Variants in ZNF316 observed in about 807,000 individuals in gnomAD.
ZNF316 encodes the protein zinc finger protein 316.
In ZNF316, 23 loss-of-function variants were observed where a neutral mutation model predicts 75.6. That is an observed-to-expected ratio of 0.30 (90% CI 0.22 to 0.43). The LOEUF (loss-of-function observed/expected upper bound fraction) is 0.43. Ranked by LOEUF, ZNF316 falls within the 20% of genes least tolerant of loss-of-function variation. The pLI is 1.00. For missense variants in ZNF316, 1,266 were observed against 1,409.4 expected (o/e 0.90, Z 1.63); for synonymous variants, 827 against 666.2 (o/e 1.24, Z -3.72).
At chr7:6,646,615 C>T (rs181525334) in intron 8 of ZNF316, among the ~76,000 whole-genome samples, 1 of 152,048 alleles carries the variant, frequency 6.6e-6, no homozygotes, top group African/African-American at 2.4e-5. Flanking sequence ...CCTGGGATGC[C>T]CCCCGGCCCT....
intron 8 of ZNF316, among the ~76,000 whole-genome samples, chr7:6,645,169 G>A (rs1177760877): frequency 6.6e-6 from 1 of 152,204 alleles, no homozygotes; most frequent in African/African-American, 2.4e-5. Context: ...TCAACTCTAA[G>A]GCCCCCTTTA....
At position 6,639,772 on chromosome 7, in the gene ZNF316, G is replaced by T. The variant is rs1049937991; in HGVS notation, c.-167+631G>T. Among the ~76,000 whole-genome samples, 1 of 152,202 alleles carries T rather than the reference G, an allele frequency of 6.6e-6. No individual in the cohort carries two copies. The highest frequency in any genetic ancestry group is 6.5e-5 in the Admixed American group (1 of 15,270). On this transcript the variant is annotated intron_variant, in intron 3 of 8. Transcript: ENST00000382252. This position sits in a 1 kb window ranked among gnomAD's most constrained non-coding sequence, Gnocchi z 4.2. ...AAAGCCCTCCTCTGGGCCTCAAGTG[G>T]GTGGCAGTTGGGAAACCGTTGCTGC...
In ZNF316 at chr7:6,654,560, C is replaced by T. The variant is rs922580282; in HGVS notation, c.2964C>T (p.His988=). The change falls in exon 9 of 9, where the codon CAC becomes CAT. Residue 988 remains histidine (H), a synonymous_variant. Transcript: ENST00000382252. ...FAGGTSFGSE[H]QAAFAGPSGA... ...GCGGCACAAGCTTCGGCTCCGAGCA[C>T]CAGGCCGCGTTCGCCGGGCCCTCGG... The T allele has an allele frequency of 1.7e-6, 2 of 1,187,552 alleles. No homozygotes were observed. Among genetic ancestry groups the T allele is most frequent in the African/African-American group, 1.6e-5 (1 of 62,332 alleles). 73.6% of individuals were successfully genotyped at this position (1,187,552 alleles called of 1,614,324 possible).
chr7:6,650,266 C>T (rs1266877308), intron 8 of ZNF316, among the ~76,000 whole-genome samples: 2 of 152,118 alleles, frequency 1.3e-5, no homozygotes, highest in African/African-American at 2.4e-5. Context: ...GGAAGGGTGG[C>T]CACTGATGGG....
chr7:6,653,060 C>T lies in ZNF316; in HGVS notation c.1464C>T (p.Pro488=), dbSNP rs1779540693. Residue 488 remains proline (P), a synonymous_variant, in exon 9 of 9, where the codon CCC becomes CCT. Transcript: ENST00000382252. The part of the protein sequence containing the change: ...VHTADRPHCC[P]DCGQAFRLRA... The stretch of plus-strand genomic sequence containing the variant: ...CGGCCGACCGCCCGCACTGCTGTCC[C>T]GACTGCGGCCAGGCCTTCCGCCTGC... The T allele has an allele frequency of 3.3e-6, 4 of 1,212,906 alleles. No homozygotes were observed. Among genetic ancestry groups the T allele is most frequent in the Non-Finnish European group, 3.1e-6 (3 of 976,252 alleles). The allele number at this position is 1,212,906 out of a possible 1,614,324, so 75.1% of individuals were successfully genotyped here. A position where few individuals can be genotyped will look rare whatever the true frequency, so the allele number is the denominator to read the frequency against.
intron 8 of ZNF316, among the ~76,000 whole-genome samples, chr7:6,651,518 G>A (rs995608794): frequency 1.3e-5 from 2 of 152,022 alleles, no homozygotes; most frequent in Non-Finnish European, 2.9e-5. Flanking sequence ...AGCCAGCTGC[G>A]GTGCTGTGCG....
At position 6,654,431 on chromosome 7, in the gene ZNF316, C is replaced by A. The variant is rs1179185891; in HGVS notation, c.2835C>A (p.Gly945=). 10 of 1,207,334 alleles carry A rather than the reference C, an allele frequency of 8.3e-6. No homozygotes were observed. In the African/African-American group the frequency reaches 1.4e-4, roughly 17 times the overall value. 74.8% of individuals were successfully genotyped at this position (1,207,334 alleles called of 1,614,324 possible). A position where few individuals can be genotyped will look rare whatever the true frequency, so the allele number is the denominator to read the frequency against. Reference sequence around the variant, plus strand: ...ACCGCGGAGCCACCGCAGCGCCGGGCTCGGGTTCGGCCCCAGCCCCCGCGC... The same window carrying A: ...ACCGCGGAGCCACCGCAGCGCCGGGATCGGGTTCGGCCCCAGCCCCCGCGC... ...KTHRGATAAP[G]SGSAPAPAPK... is the part of the protein sequence containing the mutation. Residue 945 remains glycine (G), a synonymous_variant, in exon 9 of 9, where the codon GGC becomes GGA. Transcript: ENST00000382252.
chr7:6,644,093 G>A (rs557742896), intron 7 of ZNF316, 145 bp downstream of exon 7: 5 of 924,182 alleles, frequency 5.4e-6, no homozygotes, highest in Non-Finnish European at 7.1e-6. Context: ...GAAGCCCTAG[G>A]ACCCCATGGC....
chr7:6,647,442 C>T (rs1266885414), intron 8 of ZNF316, among the ~76,000 whole-genome samples: 1 of 152,222 alleles, frequency 6.6e-6, no homozygotes, highest in Non-Finnish European at 1.5e-5. Context: ...CACCCTTGTC[C>T]TCCACCTCCT....
chr7:6,641,261 A>T (rs958897436), intron 3 of ZNF316, among the ~76,000 whole-genome samples: 5 of 152,204 alleles, frequency 3.3e-5, no homozygotes, highest in Admixed American at 6.5e-5. Flanking sequence ...CTGACATTCC[A>T]GGATGCTTCT....
chr7:6,652,958 G>A lies in ZNF316; in HGVS notation c.1362G>A (p.Glu454=), dbSNP rs915300561. 72 of 1,242,900 alleles carry A rather than the reference G, an allele frequency of 5.8e-5. No individual in the cohort carries two copies. The highest frequency in any genetic ancestry group is 2.9e-4 in the Admixed American group (7 of 24,024). 77.0% of individuals were successfully genotyped at this position (1,242,900 alleles called of 1,614,324 possible). ...LVTHQRTHTG[E]RPYPCSHCGR... Reference sequence around the variant, plus strand: ...CGCACCAGCGCACGCACACCGGCGAGCGACCCTACCCGTGTTCGCACTGCG... The same window carrying A: ...CGCACCAGCGCACGCACACCGGCGAACGACCCTACCCGTGTTCGCACTGCG... Residue 454 remains glutamate, a synonymous_variant, in exon 9 of 9, where the codon GAG becomes GAA. Transcript: ENST00000382252.
At position 6,639,350 on chromosome 7, in the gene ZNF316, T is replaced by C. The variant is rs1304368998; in HGVS notation, c.-167+209T>C. 1.3e-5 allele frequency among the ~76,000 whole-genome samples: 2 copies of C among 152,192 alleles called. No homozygotes were observed. Among genetic ancestry groups the C allele is most frequent in the Non-Finnish European group, 2.9e-5 (2 of 68,044 alleles). ...TATTCAGACATGAGCAAAGGGAGCT[T>C]CTGCCGCCCAGGAGCTGGCTGTACT... On this transcript the variant is annotated intron_variant, in intron 3 of 8. Coordinates refer to ENST00000382252, the MANE Select transcript of ZNF316 (RefSeq NM_001278559.2). The surrounding 1 kb of genome is among the most constrained non-coding windows in gnomAD (Gnocchi z 4.2).
intron 8 of ZNF316, among the ~76,000 whole-genome samples, chr7:6,646,809 G>A (rs1406162515): frequency 6.6e-6 from 1 of 152,156 alleles, no homozygotes; most frequent in Non-Finnish European, 1.5e-5. Flanking sequence ...GGCTGACAGA[G>A]TTTGTTTCTA....
At chr7:6,650,109 G>C (rs1562582470) in intron 8 of ZNF316, among the ~76,000 whole-genome samples, 2 of 152,328 alleles carry the variant, frequency 1.3e-5, no homozygotes, top group East Asian at 1.9e-4. Flanking sequence ...TCCCCGTTTG[G>C]AGGGGTCTCT....
At chr7:6,648,921 C>T (rs1779456944) in intron 8 of ZNF316, among the ~76,000 whole-genome samples, 2 of 152,204 alleles carry the variant, frequency 1.3e-5, no homozygotes, top group Non-Finnish European at 2.9e-5. Context: ...GTGCCTGGTG[C>T]TGATGCCTGT....
intron 8 of ZNF316, among the ~76,000 whole-genome samples, chr7:6,650,670 C>T (rs1779492024): frequency 6.6e-6 from 1 of 152,214 alleles, no homozygotes; most frequent in South Asian, 2.1e-4. Flanking sequence ...CCAGGCTTAT[C>T]CAGCTAGGTG....
In ZNF316 at chr7:6,653,506, G is replaced by A. The variant is rs1031306911; in HGVS notation, c.1910G>A (p.Gly637Glu). 8.2e-6 allele frequency: 10 copies of A among 1,220,400 alleles called. No individual in the cohort carries two copies. Among genetic ancestry groups the A allele is most frequent in the Non-Finnish European group, 1.0e-5 (10 of 980,592 alleles). The allele number at this position is 1,220,400 out of a possible 1,614,324, so 75.6% of individuals were successfully genotyped here. Residue 637 changes from glycine (G) to glutamate (E), a missense_variant, in exon 9 of 9, where the codon GGG (glycine) becomes GAG (glutamate). Gly to Glu is a moderately conservative substitution (Grantham distance 98). Around this residue, in one of 3 missense-constraint regions of ZNF316, gnomAD observed 961 missense variants for 990.9 expected, o/e 0.97. Coordinates refer to ENST00000382252, the MANE Select transcript of ZNF316 (RefSeq NM_001278559.2). ...VDGRPLPAPL[G>E]GPLSLVEGTG... is the part of the protein sequence containing the mutation. The stretch of plus-strand genomic sequence containing the variant: ...GGGCGCCCGCTCCCGGCGCCCCTGG[G>A]GGGCCCGCTCTCCCTGGTGGAGGGT...
At chr7:6,652,267 T>G in intron 8 of ZNF316, 36 bp from the exon 9 acceptor site, 1 of 1,232,194 alleles carries the variant, frequency 8.1e-7, no homozygotes, top group Non-Finnish European at 1.0e-6. Context: ...CAAGTTCACT[T>G]ACCTCTCTCT....
chr7:6,655,882 C>T lies in ZNF316; in HGVS notation c.*1271C>T, dbSNP rs1272934689. The T allele has an allele frequency of 2.6e-5, 4 of 152,340 alleles. No homozygotes were observed. In the South Asian group the frequency reaches 6.2e-4, roughly 24 times the overall value. The allele number at this position is 152,340 out of a possible 1,614,324, so 9.4% of individuals were successfully genotyped here. ...GGCATCCTACCCTCTGGACTGGGCC[C>T]ATGGAAGCCACTGGGCGGGCAGCTG... On this transcript the variant is annotated 3_prime_UTR_variant, in exon 9 of 9. Coordinates refer to ENST00000382252, the MANE Select transcript of ZNF316 (RefSeq NM_001278559.2).
Sources: gnomAD v4.1 joint callset for allele counts (sites outside exome capture counted in the v4.1 genomes callset) on GRCh38, gnomAD v4.1.1 for gene constraint, gnomAD v4.1.1 regional missense constraint, Gnocchi (gnomAD v3.1) non-coding constraint, MANE v1.5 for transcripts, NCBI Gene and HGNC (gene_info 2026-07-23, HGNC 2026-07-21) for gene names.